The following PTPRA variants were observed in gnomAD, a reference collection of about 807,000 sequenced individuals.
PTPRA encodes the protein protein tyrosine phosphatase receptor type A, also known as receptor-type tyrosine-protein phosphatase alpha.
PTPRA carries 25 observed loss-of-function variants against 104.8 expected under a neutral mutation model. The observed-to-expected ratio is 0.24, with a 90% confidence interval of 0.17 to 0.33. The LOEUF is 0.33. PTPRA is among the 10% of genes least tolerant of loss of function. PTPRA has a pLI of 1.00. For synonymous variants in PTPRA, 323 were observed against 368.9 expected (o/e 0.88, Z 1.43); for missense variants, 765 against 1,015.3 (o/e 0.75, Z 3.35).
At chr20:2,907,104 C>T (rs552626867) in intron 1 of PTPRA, among the ~76,000 whole-genome samples, 6 of 152,278 alleles carry the variant, frequency 3.9e-5, no homozygotes, top group South Asian at 2.1e-4. Context: ...AGCAGCTCAA[C>T]GTTGCTTATG....
rs1316494446 is a variant in PTPRA at position 3,035,799 on chromosome 20, A to G, written c.2056A>G (p.Ser686Gly). 1 of 1,614,088 alleles carries G rather than the reference A, an allele frequency of 6.2e-7. No homozygotes were observed. Residue 686 changes from serine to glycine, a missense_variant, in exon 22 of 24, where the codon AGC becomes GGC. By Grantham distance (56) the Ser-to-Gly change is moderately conservative. Coordinates refer to ENST00000399903, the MANE Select transcript of PTPRA (RefSeq NM_001385305.1). This position sits in a 1 kb window ranked among gnomAD's most constrained non-coding sequence, Gnocchi z 5.8. ...LLVTNTRENK[S>G]RQIRQFHFHG... is the part of the protein sequence containing the mutation. ...CCCCTTTTTTCCAAAGGAGAATAAG[A>G]GCCGGCAGATCCGGCAGTTCCACTT... is the stretch of plus-strand genomic sequence containing the variant.
intron 20 of PTPRA, among the ~76,000 whole-genome samples, chr20:3,030,158 A>G (rs1295663360): frequency 1.3e-5 from 2 of 152,128 alleles, no homozygotes; most frequent in African/African-American, 4.8e-5. Context: ...CCCAGTGAAC[A>G]TCTCCGCCTC....
intron 1 of PTPRA, among the ~76,000 whole-genome samples, chr20:2,891,936 T>G (rs1042089637): frequency 1.3e-5 from 2 of 152,298 alleles, no homozygotes; most frequent in Admixed American, 6.5e-5. Context: ...AGTTTGTTTC[T>G]TATTTTATGG....
intron 20 of PTPRA, among the ~76,000 whole-genome samples, chr20:3,030,025 C>A (rs967750332): frequency 8.5e-5 from 13 of 152,152 alleles, no homozygotes. Context: ...AGGGCCCTAC[C>A]TGTGGTTCCT....
intron 5 of PTPRA, among the ~76,000 whole-genome samples, chr20:2,966,121 A>G (rs956296301): frequency 3.5e-4 from 54 of 152,208 alleles, no homozygotes; most frequent in Non-Finnish European, 8.8e-5. Context: ...TTGTTACTAC[A>G]GATGATATCT....
intron 1 of PTPRA, among the ~76,000 whole-genome samples, chr20:2,893,641 AT>A (rs1207890097): frequency 1.3e-5 from 2 of 152,124 alleles, no homozygotes; most frequent in South Asian, 2.1e-4. Context: ...TCAGCTGGTT[AT>A]TTATTGTTGC....
intron 2 of PTPRA, among the ~76,000 whole-genome samples, chr20:2,936,119 A>G (rs1310981151): frequency 3.3e-5 from 5 of 151,944 alleles, no homozygotes; most frequent in African/African-American, 9.7e-5. Context: ...TTGGCCTCCC[A>G]AAGTGCTGAC....
chr20:2,888,790 T>C (rs1403643817), intron 1 of PTPRA, among the ~76,000 whole-genome samples: 1 of 152,164 alleles, frequency 6.6e-6, no homozygotes, highest in Non-Finnish European at 1.5e-5. Flanking sequence ...AAATACTACA[T>C]GCTCATAAAA....
At chr20:2,960,591 T>C (rs535622225) in intron 3 of PTPRA, among the ~76,000 whole-genome samples, 1 of 151,958 alleles carries the variant, frequency 6.6e-6, no homozygotes, top group East Asian at 1.9e-4. Flanking sequence ...CAGGCCTGAG[T>C]GCAGTGATGA....
chr20:2,919,331 CAGGTTCAGT>C (rs1254064367), intron 1 of PTPRA, among the ~76,000 whole-genome samples: 1 of 152,110 alleles, frequency 6.6e-6, no homozygotes, highest in Non-Finnish European at 1.5e-5. Flanking sequence ...ACCTTACTAT[CAGGTTCAGT>C]AATAAGTTAA....
chr20:2,910,389 T>TATA (rs1184182698), intron 1 of PTPRA, among the ~76,000 whole-genome samples: 1,585 of 79,826 alleles, frequency 0.02, 134 homozygotes, highest in Admixed American at 0.077. Flanking sequence ...TATTATATAT[T>TATA]TTATATATAA....
At chr20:2,874,643 G>C (rs987056473) in intron 1 of PTPRA, among the ~76,000 whole-genome samples, 2 of 152,270 alleles carry the variant, frequency 1.3e-5, no homozygotes, top group African/African-American at 4.8e-5. Context: ...TGGTGGGCGA[G>C]AGGAGGACTG....
chr20:2,975,213 A>G lies in PTPRA; in HGVS notation c.416-2A>G. 6.3e-7 allele frequency: 1 copy of G among 1,592,124 alleles called. No individual in the cohort carries two copies. The highest frequency in any genetic ancestry group is 8.6e-7 in the Non-Finnish European group (1 of 1,162,018). ...TGTTTCTATTTTTTACTTATTACAC[A>G]GGTAATTCTGACTCGAAGGACAGAA... On this transcript the variant is annotated splice_acceptor_variant, in intron 5 of 23. Coordinates refer to ENST00000399903, the MANE Select transcript of PTPRA (RefSeq NM_001385305.1). LOFTEE classifies it high-confidence loss of function.
At position 2,987,930 on chromosome 20, in the gene PTPRA, A is replaced by C. The variant is rs774080675; in HGVS notation, c.528-102A>C. The C allele has an allele frequency of 2.2e-5, 25 of 1,137,880 alleles. No individual in the cohort carries two copies. The South Asian group carries it at 3.0e-4, about 14-fold the overall frequency. 70.5% of individuals were successfully genotyped at this position (1,137,880 alleles called of 1,614,324 possible). A position where few individuals can be genotyped will look rare whatever the true frequency, so the allele number is the denominator to read the frequency against. The stretch of plus-strand genomic sequence containing the variant: ...TCTAAAAAAGCCCGATTATTTTTAA[A>C]GGCGATTTAGAAAGGCTGAATTGAT... On this transcript the variant is annotated intron_variant, in intron 7 of 23. Transcript: ENST00000399903.
In PTPRA at chr20:3,035,667, G is replaced by A; in HGVS notation, c.2003G>A (p.Cys668Tyr). 6.2e-7 allele frequency: 1 copy of A among 1,614,180 alleles called. No homozygotes were observed. The highest frequency in any genetic ancestry group is 8.5e-7 in the Non-Finnish European group (1 of 1,180,022). ...GTGGAACTGAAGAAGGAGGAGGAAT[G>A]TGAGAGCTACACCGTCCGAGACCTC... is the stretch of plus-strand genomic sequence containing the variant. ...ITVELKKEEE[C>Y]ESYTVRDLLV... The change falls in exon 21 of 24, where the codon TGT (cysteine) becomes TAT (tyrosine). Residue 668 changes from cysteine to tyrosine, a missense_variant. Transcript: ENST00000399903. This position sits in a 1 kb window ranked among gnomAD's most constrained non-coding sequence, Gnocchi z 5.8.
At chr20:2,904,070 C>A (rs1234408825) in intron 1 of PTPRA, among the ~76,000 whole-genome samples, 1 of 151,966 alleles carries the variant, frequency 6.6e-6, no homozygotes, top group Non-Finnish European at 1.5e-5. Context: ...CCATGCCCAG[C>A]CAATTTTTAT....
At chr20:2,913,247 G>A (rs1441833061) in intron 1 of PTPRA, among the ~76,000 whole-genome samples, 1 of 152,112 alleles carries the variant, frequency 6.6e-6, no homozygotes, top group Non-Finnish European at 1.5e-5. Flanking sequence ...GCTTGGTGGT[G>A]CACACCTGTA....
intron 1 of PTPRA, among the ~76,000 whole-genome samples, chr20:2,914,443 C>CTGTG (rs1491556517): frequency 7.5e-6 from 1 of 133,206 alleles, no homozygotes; most frequent in African/African-American, 3.4e-5. Flanking sequence ...TTATTTCTTG[C>CTGTG]TCTGTGTGTG....
chr20:2,903,836 G>A (rs1434754052), intron 1 of PTPRA, among the ~76,000 whole-genome samples: 1 of 152,116 alleles, frequency 6.6e-6, no homozygotes, highest in Admixed American at 6.5e-5. Context: ...GATTTAGGAA[G>A]CTCCTCCCTA....
Sources: gnomAD v4.1 joint callset for allele counts (sites outside exome capture counted in the v4.1 genomes callset) on GRCh38, gnomAD v4.1.1 for gene constraint, Gnocchi (gnomAD v3.1) non-coding constraint, MANE v1.5 for transcripts, NCBI Gene and HGNC (gene_info 2026-07-23, HGNC 2026-07-21) for gene names.